EHBP1: variants seen among roughly 807,000 people sequenced by gnomAD.
The protein encoded by EHBP1 is EH domain binding protein 1.
In EHBP1, 55 loss-of-function variants were observed where a neutral mutation model predicts 144.0. That is an observed-to-expected ratio of 0.38 (90% confidence interval 0.31 to 0.48). The LOEUF (loss-of-function observed/expected upper bound fraction) is 0.48, where lower values mean the gene tolerates loss of function less well. EHBP1 is among the 20% of genes least tolerant of loss of function. The pLI is 0.98. For missense variants in EHBP1, 1,200 were observed against 1,364.2 expected (o/e 0.88, Z 1.90); for synonymous variants, 469 against 472.7 (o/e 0.99, Z 0.10).
intron 5 of EHBP1, among the ~76,000 whole-genome samples, chr2:62,815,516 G>GA (rs922715796): frequency 6.6e-6 from 1 of 152,190 alleles, no homozygotes; most frequent in African/African-American, 2.4e-5. Flanking sequence ...TTGCAAAGGA[G>GA]AAAGTTTTTC....
Position 63,045,311 on chromosome 2 carries a change from G to A in EHBP1, c.3393-99G>A, listed in dbSNP as rs929981987. 2.2e-6 allele frequency: 3 copies of A among 1,374,858 alleles called. No homozygotes were observed. The highest frequency in any genetic ancestry group is 2.0e-6 in the Non-Finnish European group (2 of 980,956). The allele number at this position is 1,374,858 out of a possible 1,614,324, so 85.2% of individuals were successfully genotyped here. ...CACTGGCCTGGTGCTCCCCATTCCC[G>A]CTGGGGATCCAAATACTGGGCGACG... is the stretch of plus-strand genomic sequence containing the variant. On this transcript the variant is annotated intron_variant, in intron 22 of 22. Coordinates refer to ENST00000431489, the MANE Select transcript of EHBP1 (RefSeq NM_001142616.3). This position sits in a 1 kb window ranked among gnomAD's most constrained non-coding sequence, Gnocchi z 5.7.
At chr2:62,766,392 A>G (rs1361743603) in intron 4 of EHBP1, among the ~76,000 whole-genome samples, 1 of 152,184 alleles carries the variant, frequency 6.6e-6, no homozygotes, top group African/African-American at 2.4e-5. Flanking sequence ...ACCAAAGTGG[A>G]ATCAATCATA....
At chr2:62,742,166 C>T (rs1356787599) in intron 2 of EHBP1, among the ~76,000 whole-genome samples, 1 of 152,130 alleles carries the variant, frequency 6.6e-6, no homozygotes, top group Non-Finnish European at 1.5e-5. Flanking sequence ...TGTAAGTACA[C>T]TCCATGATGT....
intron 5 of EHBP1, among the ~76,000 whole-genome samples, chr2:62,792,568 A>G (rs2043232384): frequency 6.6e-6 from 1 of 152,010 alleles, no homozygotes; most frequent in East Asian, 1.9e-4. Flanking sequence ...TTTATATACT[A>G]TATTTATGGA....
intron 15 of EHBP1, among the ~76,000 whole-genome samples, chr2:62,986,678 C>A (rs959321715): frequency 2.0e-5 from 3 of 152,026 alleles, no homozygotes; most frequent in Non-Finnish European, 2.9e-5. Context: ...ACCTTGTGAT[C>A]CACCTGCCTC....
chr2:62,748,197 A>T (rs2039334689), intron 3 of EHBP1, among the ~76,000 whole-genome samples: 1 of 152,158 alleles, frequency 6.6e-6, no homozygotes, highest in African/African-American at 2.4e-5. Flanking sequence ...TGACGAAGTT[A>T]GGGCACACTT....
intron 13 of EHBP1, among the ~76,000 whole-genome samples, chr2:62,952,489 G>A (rs2057444786): frequency 6.6e-6 from 1 of 152,038 alleles, no homozygotes; most frequent in South Asian, 2.1e-4. Context: ...TAAGACCATT[G>A]GATTAGAGGA....
intron 10 of EHBP1, chr2:62,940,201 G>A (rs2056660859): frequency 5.9e-6 from 2 of 337,590 alleles, no homozygotes; most frequent in Non-Finnish European, 1.2e-5. Context: ...TTATTGACTT[G>A]CACAGTCCTT....
At chr2:62,849,061 A>G (rs778193860) in intron 7 of EHBP1, among the ~76,000 whole-genome samples, 2 of 152,108 alleles carry the variant, frequency 1.3e-5, no homozygotes, top group African/African-American at 2.4e-5. Flanking sequence ...CCCAATATTC[A>G]TGCTCTTTTA....
intron 14 of EHBP1, among the ~76,000 whole-genome samples, chr2:62,976,360 A>G (rs1402345583): frequency 6.6e-6 from 1 of 152,094 alleles, no homozygotes. Context: ...AGTTCTACCC[A>G]TTGGTTTCTA....
At chr2:62,743,582 G>A (rs1207027740) in intron 2 of EHBP1, among the ~76,000 whole-genome samples, 5 of 152,106 alleles carry the variant, frequency 3.3e-5, no homozygotes, top group Admixed American at 3.3e-4. Flanking sequence ...ATTATGGAAA[G>A]TGATGGGACT....
intron 15 of EHBP1, chr2:62,987,890 T>C: frequency 9.1e-7 from 1 of 1,094,986 alleles, no homozygotes; most frequent in South Asian, 1.6e-5. Flanking sequence ...TGATATAAAA[T>C]ATAAATAATA....
At position 62,867,769 on chromosome 2, in the gene EHBP1, A is replaced by T. The variant is rs988599225; in HGVS notation, c.998+2798A>T. 2.0e-5 allele frequency among the ~76,000 whole-genome samples: 3 copies of T among 152,224 alleles called. No individual in the cohort carries two copies. The East Asian group carries it at 5.8e-4, about 29-fold the overall frequency. ...AATAATCAAAACAACTTTGAAAAAGAGCAAAATTTGAGGATTTATACTATC... is the reference window on the plus strand; with the variant it reads ...AATAATCAAAACAACTTTGAAAAAGTGCAAAATTTGAGGATTTATACTATC... On this transcript the variant is annotated intron_variant, in intron 9 of 22. Transcript: ENST00000431489.
At chr2:62,748,366 C>A (rs1442283900) in intron 3 of EHBP1, among the ~76,000 whole-genome samples, 1 of 152,000 alleles carries the variant, frequency 6.6e-6, no homozygotes. Flanking sequence ...TTAAAAAATT[C>A]TATCCTGGCC....
At chr2:62,946,608 A>G (rs1261082828) in intron 12 of EHBP1, among the ~76,000 whole-genome samples, 1 of 152,206 alleles carries the variant, frequency 6.6e-6, no homozygotes, top group African/African-American at 2.4e-5. Context: ...TGCATAACAT[A>G]ACTGGCAGTA....
intron 15 of EHBP1, among the ~76,000 whole-genome samples, chr2:62,982,559 A>C (rs1204179606): frequency 6.6e-6 from 1 of 152,202 alleles, no homozygotes; most frequent in East Asian, 1.9e-4. Context: ...TCTAGGGTCT[A>C]GTAGGAATCC....
intron 3 of EHBP1, among the ~76,000 whole-genome samples, chr2:62,758,603 C>G (rs1482208907): frequency 6.6e-6 from 1 of 152,126 alleles, no homozygotes; most frequent in Non-Finnish European, 1.5e-5. Flanking sequence ...TTAGGATAGA[C>G]CAGAAAAATT....
At position 62,897,033 on chromosome 2, in the gene EHBP1, G is replaced by A. The variant is rs141179115; in HGVS notation, c.1185+22501G>A. ...AACATAAAAAGATATACATGGGGAA[G>A]TCTTGCTTCTACTCCTGTACCATTT... On this transcript the variant is annotated intron_variant, in intron 10 of 22. Transcript: ENST00000431489. Among the ~76,000 whole-genome samples, 26 of 152,300 alleles carry A rather than the reference G, an allele frequency of 1.7e-4. No individual in the cohort carries two copies. In the East Asian group the frequency reaches 5.0e-3, roughly 29 times the overall value.
At chr2:62,776,853 A>G (rs938734621) in intron 5 of EHBP1, among the ~76,000 whole-genome samples, 1 of 152,206 alleles carries the variant, frequency 6.6e-6, no homozygotes, top group African/African-American at 2.4e-5. Context: ...AGGGTTTTTT[A>G]AAAATATGAA....
Sources: gnomAD v4.1 joint callset for allele counts (sites outside exome capture counted in the v4.1 genomes callset) on GRCh38, gnomAD v4.1.1 for gene constraint, Gnocchi (gnomAD v3.1) non-coding constraint, MANE v1.5 for transcripts, NCBI Gene and HGNC (gene_info 2026-07-23, HGNC 2026-07-21) for gene names.